EPC2: variants seen among roughly 807,000 people sequenced by gnomAD.
EPC2 encodes the protein enhancer of polycomb 2.
EPC2 carries 14 observed loss-of-function variants against 92.1 expected under a neutral mutation model. The ratio of observed to expected loss-of-function variants is 0.15; its 90% CI spans 0.10 to 0.24. The LOEUF (loss-of-function observed/expected upper bound fraction) is 0.24, where lower values mean the gene tolerates loss of function less well. Ranked by LOEUF, EPC2 falls within the 10% of genes least tolerant of loss-of-function variation. The pLI is 1.00. For synonymous variants in EPC2, 340 were observed against 334.7 expected, an observed-to-expected ratio of 1.02 and a Z score of -0.17; for missense variants, 755 against 971.5, an observed-to-expected ratio of 0.78 and a Z score of 2.96.
chr2:148,712,414 C>T (rs1270176564), intron 2 of EPC2, among the ~76,000 whole-genome samples: 1 of 151,904 alleles, frequency 6.6e-6, no homozygotes, highest in African/African-American at 2.4e-5. Flanking sequence ...TCATTCGACA[C>T]ACAGACACAC....
chr2:148,706,295 G>GA (rs1261105523), intron 2 of EPC2, among the ~76,000 whole-genome samples: 3 of 152,100 alleles, frequency 2.0e-5, no homozygotes, highest in Non-Finnish European at 2.9e-5. Flanking sequence ...GAAGTTTAGA[G>GA]AAAAAAGAGT....
intron 2 of EPC2, chr2:148,692,758 T>C (rs984511371): frequency 2.6e-5 from 4 of 152,314 alleles, no homozygotes; most frequent in African/African-American, 9.6e-5. Flanking sequence ...AAAACCATTC[T>C]AGGAAACCAA....
At chr2:148,752,195 A>C (rs1683092523) in intron 3 of EPC2, among the ~76,000 whole-genome samples, 1 of 152,196 alleles carries the variant, frequency 6.6e-6, no homozygotes, top group South Asian at 2.1e-4. Flanking sequence ...AGGTTAGATT[A>C]AGCTCTTGAT....
intron 2 of EPC2, among the ~76,000 whole-genome samples, chr2:148,716,780 CTTTTCA>C (rs984674594): frequency 6.6e-6 from 1 of 152,098 alleles, no homozygotes. Flanking sequence ...GGAGTCCCTC[CTTTTCA>C]ATTTTTTGAA....
intron 4 of EPC2, among the ~76,000 whole-genome samples, chr2:148,760,408 C>G (rs1683280413): frequency 6.6e-6 from 1 of 152,162 alleles, no homozygotes; most frequent in South Asian, 2.1e-4. Flanking sequence ...GGCATGTAAC[C>G]TCATATTATT....
chr2:148,776,129 A>T (rs1683640630), intron 10 of EPC2, among the ~76,000 whole-genome samples: 1 of 10,110 alleles, frequency 9.9e-5, no homozygotes, highest in African/African-American at 1.1e-4. Flanking sequence ...TTTCCAAGAG[A>T]AATTCCTGTT....
At chr2:148,759,125 T>C (rs959257446) in intron 4 of EPC2, among the ~76,000 whole-genome samples, 1 of 152,154 alleles carries the variant, frequency 6.6e-6, no homozygotes, top group East Asian at 1.9e-4. Context: ...GGAATCTTGC[T>C]CTTGTCGCCC....
chr2:148,680,715 A>T (rs1287104159), intron 1 of EPC2, among the ~76,000 whole-genome samples: 1 of 152,224 alleles, frequency 6.6e-6, no homozygotes, highest in Non-Finnish European at 1.5e-5. Context: ...AATAAGAGCT[A>T]TAAGGGAATC....
intron 1 of EPC2, among the ~76,000 whole-genome samples, chr2:148,657,921 T>G (rs946807699): frequency 2.0e-5 from 3 of 151,870 alleles, no homozygotes; most frequent in Admixed American, 6.6e-5. Context: ...TGAAATAAAG[T>G]GCACTTTGAC....
Position 148,743,646 on chromosome 2 carries a change from C to G in EPC2, c.338C>G (p.Pro113Arg), listed in dbSNP as rs1682925937. The G allele has an allele frequency of 6.3e-7, 1 of 1,584,238 alleles. No homozygotes were observed. The highest frequency in any genetic ancestry group is 1.4e-5 in the African/African-American group (1 of 73,136). The change falls in exon 3 of 14, where the codon CCA (proline) becomes CGA (arginine). Residue 113 changes from proline (P) to arginine (R), a missense_variant. Physicochemically the swap from Pro to Arg is moderately radical, Grantham distance 103. Coordinates refer to ENST00000258484, the MANE Select transcript of EPC2 (RefSeq NM_015630.4). ...GCTTTTAATCTAGACAACGAGCAAC[C>G]AGATTATGATATGGATTCAGAAGAT... ...IQPFNLDNEQ[P>R]DYDMDSEDET...
chr2:148,687,833 G>A lies in EPC2; in HGVS notation c.154-2381G>A, dbSNP rs1574582750. Among the ~76,000 whole-genome samples the A allele has an allele frequency of 2.6e-5, 4 of 152,094 alleles. No homozygotes were observed. The South Asian group carries it at 8.3e-4, about 32-fold the overall frequency. ...CTCTGTCTCTCTGCTTTCTTTAACG[G>A]TAATTACTGGCAGAAGATCATGAAA... On this transcript the variant is annotated intron_variant, in intron 1 of 13. Transcript: ENST00000258484.
At position 148,669,804 on chromosome 2, in the gene EPC2, A is replaced by G. The variant is rs535011930; in HGVS notation, c.154-20410A>G. ...AGCACTGATCATTCTTGGGTTAATTATTCTCCACTACTGAATCAGTATTTT... is the reference window on the plus strand; with the variant it reads ...AGCACTGATCATTCTTGGGTTAATTGTTCTCCACTACTGAATCAGTATTTT... On this transcript the variant is annotated intron_variant, in intron 1 of 13. Coordinates refer to ENST00000258484, the MANE Select transcript of EPC2 (RefSeq NM_015630.4). Among the ~76,000 whole-genome samples the G allele has an allele frequency of 2.6e-5, 4 of 152,228 alleles. No homozygotes were observed. In the South Asian group the frequency reaches 8.3e-4, roughly 32 times the overall value.
intron 13 of EPC2, 68 bp from the exon 14 acceptor site, chr2:148,786,237 T>C (rs1042876393): frequency 3.2e-6 from 4 of 1,249,888 alleles, no homozygotes; most frequent in Non-Finnish European, 4.6e-6. Flanking sequence ...TTTTGTAAAA[T>C]ACTAAATGGT....
intron 2 of EPC2, among the ~76,000 whole-genome samples, chr2:148,699,867 T>C (rs1681837774): frequency 6.6e-6 from 1 of 152,244 alleles, no homozygotes; most frequent in Non-Finnish European, 1.5e-5. Flanking sequence ...AAAGTTTCTA[T>C]TGCCCCGCAT....
intron 2 of EPC2, chr2:148,691,896 A>G (rs1044541302): frequency 5.6e-6 from 3 of 531,092 alleles, no homozygotes; most frequent in African/African-American, 3.8e-5. Context: ...GTAGCATTCT[A>G]TACTAATATT....
chr2:148,728,839 T>C (rs1369366565), intron 2 of EPC2, among the ~76,000 whole-genome samples: 1 of 151,518 alleles, frequency 6.6e-6, no homozygotes, highest in Non-Finnish European at 1.5e-5. Context: ...GAGACCATCC[T>C]GGCTAACACA....
At chr2:148,651,565 GGGT>G (rs141911589) in intron 1 of EPC2, among the ~76,000 whole-genome samples, 3,909 of 152,224 alleles carry the variant, frequency 0.026, 59 homozygotes, top group East Asian at 0.031. Flanking sequence ...GGAGTTTGTA[GGGT>G]GGTATAGATG....
intron 2 of EPC2, among the ~76,000 whole-genome samples, chr2:148,730,699 C>A (rs4972391): frequency 0.12 from 18,801 of 152,156 alleles, 1,572 homozygotes; most frequent in Middle Eastern, 0.21. Context: ...ATCCCATGAT[C>A]TCCTTAGGGT....
At chr2:148,712,760 A>G (rs1262575746) in intron 2 of EPC2, among the ~76,000 whole-genome samples, 2 of 151,612 alleles carry the variant, frequency 1.3e-5, no homozygotes, top group Non-Finnish European at 2.9e-5. Context: ...ATATATTCCT[A>G]TAGTCCTAAC....
Sources: allele counts gnomAD v4.1 joint callset (sites outside exome capture counted in the v4.1 genomes callset), GRCh38; gene constraint gnomAD v4.1.1; transcripts MANE v1.5; gene names NCBI Gene and HGNC (gene_info 2026-07-23, HGNC 2026-07-21).